Variants in XRCC4 observed in about 807,000 individuals in gnomAD.
XRCC4 encodes the protein X-ray repair cross complementing 4.
In XRCC4, 28 loss-of-function variants were observed where a neutral mutation model predicts 39.1. That is an observed-to-expected ratio of 0.72 (90% CI 0.53 to 0.98). The LOEUF is 0.98. Among genes scored for constraint, XRCC4 ranks in the 50% least tolerant of loss-of-function variants. The probability of loss-of-function intolerance (pLI) is 0.00; values close to 1 mark genes in which losing one functional copy is unlikely to be tolerated. For synonymous variants in XRCC4, 123 were observed against 126.4 expected (o/e 0.97, Z 0.18); for missense variants, 350 against 376.4 (o/e 0.93, Z 0.58).
intron 3 of XRCC4, among the ~76,000 whole-genome samples, chr5:83,194,532 A>G (rs1466067975): frequency 6.6e-6 from 1 of 152,170 alleles, no homozygotes; most frequent in East Asian, 1.9e-4. Context: ...CATATTAAAT[A>G]TTTCTTAATC....
intron 3 of XRCC4, among the ~76,000 whole-genome samples, chr5:83,163,177 C>T (rs1238727991): frequency 6.6e-6 from 1 of 152,002 alleles, no homozygotes; most frequent in Non-Finnish European, 1.5e-5. Context: ...GAACTCCTGA[C>T]CTCAAGTGAG....
At chr5:83,120,223 G>A (rs1746943424) in intron 3 of XRCC4, among the ~76,000 whole-genome samples, 1 of 152,196 alleles carries the variant, frequency 6.6e-6, no homozygotes, top group Non-Finnish European at 1.5e-5. Flanking sequence ...CATGCTGAAA[G>A]TATAAGTGAG....
At position 83,102,144 on chromosome 5, in the gene XRCC4, TC is replaced by T. The variant is rs148722854; in HGVS notation, c.-10-2765del. On this transcript the variant is annotated intron_variant, in intron 1 of 7. Transcript: ENST00000396027. The stretch of plus-strand genomic sequence containing the variant: ...TGCAGTATTTAGGATGAAGTAATAG[TC>T]TTTGTCTATTTTTTAATTGTTTATA... Among the ~76,000 whole-genome samples the T allele has an allele frequency of 9.3e-3, 1,412 of 152,202 alleles. 17 individuals carry two copies. The highest frequency in any genetic ancestry group is 0.032 in the African/African-American group (1,329 of 41,536).
intron 3 of XRCC4, among the ~76,000 whole-genome samples, chr5:83,179,437 A>G (rs1750111064): frequency 6.6e-6 from 1 of 152,190 alleles, no homozygotes; most frequent in Non-Finnish European, 1.5e-5. Context: ...AGGGAAGTAT[A>G]TTATGGAAGT....
chr5:83,165,056 T>C (rs1749394762), intron 3 of XRCC4, among the ~76,000 whole-genome samples: 1 of 152,046 alleles, frequency 6.6e-6, no homozygotes, highest in Non-Finnish European at 1.5e-5. Context: ...GAATTTGACT[T>C]AATCTCATTA....
intron 7 of XRCC4, among the ~76,000 whole-genome samples, chr5:83,351,011 C>A (rs576990938): frequency 1.1e-3 from 166 of 152,216 alleles, no homozygotes; most frequent in African/African-American, 3.8e-3. Context: ...TAATTGTAAT[C>A]CTCAATCTTG....
Position 83,203,521 on chromosome 5 carries a change from G to A in XRCC4, c.483-31G>A, listed in dbSNP as rs371094069. The A allele has an allele frequency of 5.8e-6, 9 of 1,556,708 alleles. No individual in the cohort carries two copies. In the African/African-American group the frequency reaches 1.2e-4, roughly 22 times the overall value. The stretch of plus-strand genomic sequence containing the variant: ...ATGTTAATGCTAAGCAGAACTGCAT[G>A]ACTAATTTGTTTACTTATTTACTTT... On this transcript the variant is annotated intron_variant, in intron 4 of 7. Coordinates refer to ENST00000396027, the MANE Select transcript of XRCC4 (RefSeq NM_003401.5).
intron 3 of XRCC4, among the ~76,000 whole-genome samples, chr5:83,192,454 C>T (rs1750754269): frequency 6.6e-6 from 1 of 151,644 alleles, no homozygotes; most frequent in East Asian, 2.0e-4. Context: ...ACTACAGGCA[C>T]ACGCCACCAC....
At chr5:83,135,368 C>T (rs1747844177) in intron 3 of XRCC4, among the ~76,000 whole-genome samples, 1 of 151,152 alleles carries the variant, frequency 6.6e-6, no homozygotes, top group Non-Finnish European at 1.5e-5. Context: ...CCTACCTTAT[C>T]TTTCTTATCT....
the XRCC4 span, among the ~76,000 whole-genome samples, chr5:83,360,916 A>G: frequency 6.6e-6 from 1 of 152,160 alleles, no homozygotes; most frequent in Non-Finnish European, 1.5e-5. Flanking sequence ...ACTTATATGG[A>G]ATAACAATTT....
At chr5:83,220,764 T>A (rs1752052483) in intron 6 of XRCC4, among the ~76,000 whole-genome samples, 1 of 152,088 alleles carries the variant, frequency 6.6e-6, no homozygotes, top group African/African-American at 2.4e-5. Flanking sequence ...GGATATAATT[T>A]GGGGAGTGAC....
intron 3 of XRCC4, among the ~76,000 whole-genome samples, chr5:83,186,959 T>TTTTTTTTTTTTTTTTTTG (rs1750473471): frequency 1.0e-5 from 1 of 98,458 alleles, no homozygotes; most frequent in African/African-American, 4.8e-5. Context: ...TTTTTTTTTT[T>TTTTTTTTTTTTTTTTTTG]TTGAGACGGA....
chr5:83,103,532 T>A (rs184877288), intron 1 of XRCC4, among the ~76,000 whole-genome samples: 1 of 152,230 alleles, frequency 6.6e-6, no homozygotes, highest in African/African-American at 2.4e-5. Flanking sequence ...ATTGAATATA[T>A]CCATATCCTC....
At chr5:83,246,234 T>C (rs754170400) in intron 6 of XRCC4, among the ~76,000 whole-genome samples, 1 of 152,132 alleles carries the variant, frequency 6.6e-6, no homozygotes, top group Non-Finnish European at 1.5e-5. Flanking sequence ...TGTGTTATGT[T>C]AACCTCCCTT....
intron 3 of XRCC4, among the ~76,000 whole-genome samples, chr5:83,113,065 G>A (rs1314539485): frequency 6.6e-6 from 1 of 152,132 alleles, no homozygotes; most frequent in Non-Finnish European, 1.5e-5. Flanking sequence ...TCTGAGACAA[G>A]GCAAGTTCCT....
intron 3 of XRCC4, among the ~76,000 whole-genome samples, chr5:83,194,288 G>A (rs28360125): frequency 0.015 from 2,317 of 152,242 alleles, 57 homozygotes; most frequent in African/African-American, 0.052. Flanking sequence ...TTTACACTCA[G>A]AGAGGTTTCA....
chr5:83,360,869 T>C, the XRCC4 span, among the ~76,000 whole-genome samples: 5 of 152,202 alleles, frequency 3.3e-5, no homozygotes, highest in Admixed American at 2.6e-4. Flanking sequence ...TTGGGATAGT[T>C]AGTTACATAG....
At chr5:83,127,683 G>C (rs1002700945) in intron 3 of XRCC4, among the ~76,000 whole-genome samples, 1 of 152,046 alleles carries the variant, frequency 6.6e-6, no homozygotes, top group East Asian at 1.9e-4. Context: ...ATCAGGTCTG[G>C]AGCAATTTAT....
At chr5:83,288,595 TTAAG>T (rs1457241737) in intron 7 of XRCC4, among the ~76,000 whole-genome samples, 1 of 151,924 alleles carries the variant, frequency 6.6e-6, no homozygotes, top group African/African-American at 2.4e-5. Flanking sequence ...TTTCAACAGT[TTAAG>T]TATTTCTCTC....
Sources: gnomAD v4.1 joint callset for allele counts (sites outside exome capture counted in the v4.1 genomes callset) on GRCh38, gnomAD v4.1.1 for gene constraint, MANE v1.5 for transcripts, NCBI Gene and HGNC (gene_info 2026-07-23, HGNC 2026-07-21) for gene names.